CHRM3: variants seen among roughly 807,000 people sequenced by gnomAD.
CHRM3 encodes the protein cholinergic receptor muscarinic 3.
In CHRM3, 11 loss-of-function variants were observed where a neutral mutation model predicts 41.8. The ratio of observed to expected loss-of-function variants is 0.26; its 90% CI spans 0.17 to 0.44. CHRM3 has a LOEUF of 0.44. CHRM3 is among the 20% of genes least tolerant of loss of function. CHRM3 has a pLI of 1.00. For missense variants in CHRM3, 571 were observed against 745.4 expected (o/e 0.77, Z 2.72); for synonymous variants, 297 against 301.4 (o/e 0.99, Z 0.15).
chr1:239,550,156 A>G (rs1465545258), intron 3 of CHRM3, among the ~76,000 whole-genome samples: 1 of 152,122 alleles, frequency 6.6e-6, no homozygotes, highest in Non-Finnish European at 1.5e-5. Flanking sequence ...CCTGCGTGCC[A>G]TGATCCCAGG....
chr1:239,852,423 G>C (rs890040829), intron 6 of CHRM3, among the ~76,000 whole-genome samples: 4 of 152,204 alleles, frequency 2.6e-5, no homozygotes, highest in African/African-American at 7.2e-5. Context: ...GCTTGTGCAT[G>C]TGTAATAATC....
intron 5 of CHRM3, among the ~76,000 whole-genome samples, chr1:239,729,526 T>C (rs1663763521): frequency 6.6e-6 from 1 of 151,952 alleles, no homozygotes; most frequent in Non-Finnish European, 1.5e-5. Context: ...ACATTACTTG[T>C]TGTCAGTGAT....
intron 5 of CHRM3, among the ~76,000 whole-genome samples, chr1:239,811,652 T>G (rs1671126507): frequency 6.6e-6 from 1 of 152,206 alleles, no homozygotes; most frequent in South Asian, 2.1e-4. Context: ...ATGTGCTGGT[T>G]TCATTGGCTG....
At chr1:239,471,952 T>A (rs981822031) in intron 1 of CHRM3, among the ~76,000 whole-genome samples, 2 of 149,698 alleles carry the variant, frequency 1.3e-5, no homozygotes, top group Non-Finnish European at 3.0e-5. Context: ...GACTCGCCAA[T>A]TTTTTTTTTG....
chr1:239,768,883 G>A (rs1484415035), intron 5 of CHRM3, among the ~76,000 whole-genome samples: 3 of 151,860 alleles, frequency 2.0e-5, no homozygotes, highest in Admixed American at 1.3e-4. Context: ...TCCTGCCCCA[G>A]CCTCCTGAGT....
chr1:239,789,208 C>T (rs1042533564), intron 5 of CHRM3, among the ~76,000 whole-genome samples: 1 of 152,118 alleles, frequency 6.6e-6, no homozygotes, highest in African/African-American at 2.4e-5. Context: ...ATGCATATTA[C>T]GTCTGTCATG....
chr1:239,799,828 C>T (rs141844579), intron 5 of CHRM3, among the ~76,000 whole-genome samples: 1 of 152,116 alleles, frequency 6.6e-6, no homozygotes, highest in Admixed American at 6.6e-5. Flanking sequence ...TTGCCGCTCT[C>T]AATGAACCCA....
At chr1:239,668,630 G>T (rs1172277816) in intron 4 of CHRM3, among the ~76,000 whole-genome samples, 1 of 152,160 alleles carries the variant, frequency 6.6e-6, no homozygotes, top group African/African-American at 2.4e-5. Flanking sequence ...ATAGAATTTT[G>T]TATTGCCTCT....
At chr1:239,690,110 A>G (rs1400190062) in intron 5 of CHRM3, among the ~76,000 whole-genome samples, 1 of 152,138 alleles carries the variant, frequency 6.6e-6, no homozygotes, top group Non-Finnish European at 1.5e-5. Flanking sequence ...CTTCAAAGGC[A>G]ATACATTCTC....
Position 239,602,518 on chromosome 1 carries a change from G to C in CHRM3, c.-312-29706G>C, listed in dbSNP as rs566380526. Among the ~76,000 whole-genome samples the C allele has an allele frequency of 2.2e-4, 34 of 152,216 alleles. No individual in the cohort carries two copies. In the South Asian group the frequency reaches 6.4e-3, roughly 29 times the overall value. ...AATGTAGCATTTTAAATAACAAACA[G>C]ATAGTAGGCACCTAATACATGTTTG... On this transcript the variant is annotated intron_variant, in intron 3 of 6. Transcript: ENST00000676153.
In CHRM3 at chr1:239,784,680, A is replaced by G. The variant is rs116493364; in HGVS notation, c.-146-42572A>G. ...TAAAAATACAAAAATAGAAGTTTTG[A>G]TTTTACCTTTATTTATTCTTTTTCT... On this transcript the variant is annotated intron_variant, in intron 5 of 6. Transcript: ENST00000676153. Among the ~76,000 whole-genome samples the G allele has an allele frequency of 6.3e-3, 963 of 152,182 alleles. 4 individuals are homozygous for G. Among genetic ancestry groups the G allele is most frequent in the Non-Finnish European group, 9.8e-3 (669 of 67,994 alleles).
chr1:239,437,862 C>T (rs1372074249), intron 1 of CHRM3, among the ~76,000 whole-genome samples: 4 of 152,188 alleles, frequency 2.6e-5, no homozygotes, highest in Non-Finnish European at 2.9e-5. Flanking sequence ...GCCAAACTGT[C>T]TAAACTGGAT....
At chr1:239,875,053 T>C (rs2149343110) in intron 6 of CHRM3, among the ~76,000 whole-genome samples, 1 of 152,322 alleles carries the variant, frequency 6.6e-6, no homozygotes, top group Middle Eastern at 3.4e-3. Context: ...ACCCAATGTA[T>C]CTTTGTATCT....
chr1:239,660,172 G>C (rs909959021), intron 4 of CHRM3, among the ~76,000 whole-genome samples: 53 of 152,074 alleles, frequency 3.5e-4, no homozygotes, highest in African/African-American at 1.2e-3. Flanking sequence ...TGTAGAGATG[G>C]GGTTCTCACT....
At chr1:239,829,614 A>G (rs1201962300) in intron 6 of CHRM3, among the ~76,000 whole-genome samples, 2 of 152,176 alleles carry the variant, frequency 1.3e-5, no homozygotes, top group African/African-American at 4.8e-5. Flanking sequence ...AGTTTTACTA[A>G]AAATTGTTTG....
At chr1:239,418,513 A>G (rs1403505504) in intron 1 of CHRM3, among the ~76,000 whole-genome samples, 1 of 152,232 alleles carries the variant, frequency 6.6e-6, no homozygotes, top group African/African-American at 2.4e-5. Flanking sequence ...TTCTTGGACT[A>G]TAACCTATAT....
At chr1:239,484,703 A>C (rs1324900136) in intron 1 of CHRM3, among the ~76,000 whole-genome samples, 2 of 152,192 alleles carry the variant, frequency 1.3e-5, no homozygotes, top group East Asian at 3.9e-4. Flanking sequence ...GTCCCTAAAA[A>C]TTATTTTTGA....
chr1:239,578,685 C>T (rs1472866476), intron 3 of CHRM3, among the ~76,000 whole-genome samples: 1 of 152,156 alleles, frequency 6.6e-6, no homozygotes, highest in East Asian at 1.9e-4. Flanking sequence ...AGTATGTCCT[C>T]CATTAATTGC....
chr1:239,667,987 T>C (rs1452756516), intron 4 of CHRM3, among the ~76,000 whole-genome samples: 2 of 152,104 alleles, frequency 1.3e-5, no homozygotes, highest in East Asian at 1.9e-4. Flanking sequence ...GCAGACTCCA[T>C]GCTACCTAAT....
Sources: gnomAD v4.1 joint callset for allele counts (sites outside exome capture counted in the v4.1 genomes callset) on GRCh38, gnomAD v4.1.1 for gene constraint, MANE v1.5 for transcripts, NCBI Gene and HGNC (gene_info 2026-07-23, HGNC 2026-07-21) for gene names.